The following ZNF516 variants were observed in gnomAD, a reference collection of about 807,000 sequenced individuals.
The protein encoded by ZNF516 is zinc finger protein 516.
Under a neutral mutation model 79.7 loss-of-function variants are expected in ZNF516, and 19 were observed. That is an observed-to-expected ratio of 0.24 (90% CI 0.17 to 0.35). The LOEUF is 0.35. Ranked by LOEUF, ZNF516 falls within the 10% of genes least tolerant of loss-of-function variation. The pLI, the probability that ZNF516 is intolerant of heterozygous loss-of-function variation, is 1.00. For synonymous variants in ZNF516, 877 were observed against 739.5 expected (o/e 1.19, Z -3.02); for missense variants, 1,678 against 1,679.5 (o/e 1.00, Z 0.02).
At chr18:76,378,131 G>A (rs1317933025) in intron 4 of ZNF516, 2 of 152,228 alleles carry the variant, frequency 1.3e-5, no homozygotes, top group East Asian at 3.9e-4. Flanking sequence ...CGTTAAGTGA[G>A]AGTGACCTTC....
At position 76,442,389 on chromosome 18, in the gene ZNF516, G is replaced by A; in HGVS notation, c.666C>T (p.Asp222=). ...EESLLSHIER[D]HITAQGPGSG... is the part of the protein sequence containing the mutation. ...TGCCGGGCCCCTGCGCGGTGATGTG[G>A]TCCCTCTCGATGTGGCTCAGCAGCG... is the stretch of plus-strand genomic sequence containing the variant. Residue 222 remains aspartate, a synonymous_variant, in exon 3 of 7, where the codon GAC becomes GAT. Transcript: ENST00000443185. 1 of 1,608,638 alleles carries A rather than the reference G, an allele frequency of 6.2e-7. No individual in the cohort carries two copies. Among genetic ancestry groups the A allele is most frequent in the South Asian group, 1.1e-5 (1 of 91,060 alleles).
chr18:76,475,000 TGA>T lies in ZNF516; in HGVS notation c.-271-11861_-271-11860del, dbSNP rs1360691600. Among the ~76,000 whole-genome samples, 9 of 152,322 alleles carry T rather than the reference TGA, an allele frequency of 5.9e-5. No homozygotes were observed. The East Asian group carries it at 1.3e-3, about 23-fold the overall frequency. ...GCTCTCTCCTCCACCTACCCAAATG[TGA>T]GAGATGAGTCAAGTCCACACCTGAA... is the stretch of plus-strand genomic sequence containing the variant. On this transcript the variant is annotated intron_variant, in intron 1 of 6. Coordinates refer to ENST00000443185, the MANE Select transcript of ZNF516 (RefSeq NM_014643.4).
In ZNF516 at chr18:76,360,646, A is replaced by AAAAAAAAAATATAT. The variant is rs373540251; in HGVS notation, c.*1851_*1852insATATATTTTTTTTT. The AAAAAAAAAATATAT allele has an allele frequency of 2.8e-5, 2 of 72,462 alleles. No individual in the cohort carries two copies. Among genetic ancestry groups the AAAAAAAAAATATAT allele is most frequent in the Non-Finnish European group, 5.4e-5 (2 of 36,928 alleles). The allele number at this position is 72,462 out of a possible 1,614,324, so 4.5% of individuals were successfully genotyped here. A position where few individuals can be genotyped will look rare whatever the true frequency, so the allele number is the denominator to read the frequency against. ...AAAAAAATAAGTAAAAAAAAAAAAAAATATATATATATATATATATATATA... is the reference window on the plus strand; with the variant it reads ...AAAAAAATAAGTAAAAAAAAAAAAAAAAAAAAAAATATATATATATATATATATATATATATATA... On this transcript the variant is annotated 3_prime_UTR_variant, in exon 7 of 7. Transcript: ENST00000443185.
intron 3 of ZNF516, among the ~76,000 whole-genome samples, chr18:76,438,144 C>T (rs945212287): frequency 2.0e-5 from 3 of 152,224 alleles, no homozygotes; most frequent in African/African-American, 7.2e-5. Context: ...ACCAGGCATC[C>T]CAGTCCAGGC....
intron 3 of ZNF516, among the ~76,000 whole-genome samples, chr18:76,384,163 G>T (rs2074939962): frequency 6.6e-6 from 1 of 152,074 alleles, no homozygotes; most frequent in South Asian, 2.1e-4. Context: ...CACGCGAGGT[G>T]AACCTCCCAG....
intron 3 of ZNF516, among the ~76,000 whole-genome samples, chr18:76,436,492 T>G (rs2075737252): frequency 1.3e-5 from 2 of 152,166 alleles, no homozygotes; most frequent in Non-Finnish European, 2.9e-5. Context: ...ATGACTTGGC[T>G]TCAGAGAGAG....
At chr18:76,496,391 G>A (rs1441755858), upstream of ZNF516, 10 of 1,289,596 alleles carry the variant, frequency 7.8e-6, no homozygotes, top group Non-Finnish European at 1.0e-5. Context: ...AATCCTGGCG[G>A]TTACCTCAGC....
Position 76,442,091 on chromosome 18 carries a change from C to T in ZNF516, c.964G>A (p.Val322Ile). ...LDPIATINNVVQEEVIVAGLS... is the reference protein window; with the variant it reads ...LDPIATINNVIQEEVIVAGLS... ...CCGGCGACGATCACCTCCTCCTGGA[C>T]CACGTTGTTGATGGTGGCGATGGGG... The change falls in exon 3 of 7, where the codon GTC becomes ATC. Residue 322 changes from valine to isoleucine, a missense_variant. By Grantham distance (29) the Val-to-Ile change is conservative. Coordinates refer to ENST00000443185, the MANE Select transcript of ZNF516 (RefSeq NM_014643.4). The T allele has an allele frequency of 6.2e-6, 10 of 1,614,040 alleles. No homozygotes were observed. The highest frequency in any genetic ancestry group is 8.5e-6 in the Non-Finnish European group (10 of 1,179,902).
chr18:76,383,749 G>C (rs1157438607), intron 3 of ZNF516, among the ~76,000 whole-genome samples: 5 of 152,188 alleles, frequency 3.3e-5, no homozygotes, highest in African/African-American at 2.4e-5. Flanking sequence ...GTGAGCTCCC[G>C]ATCAGGCCTC....
At chr18:76,412,106 A>G (rs981084138) in intron 3 of ZNF516, among the ~76,000 whole-genome samples, 1 of 152,186 alleles carries the variant, frequency 6.6e-6, no homozygotes, top group Admixed American at 6.5e-5. Flanking sequence ...CACCATGTAG[A>G]TGGTAAATAG....
intron 1 of ZNF516, among the ~76,000 whole-genome samples, chr18:76,466,207 G>T (rs1913455140): frequency 6.6e-6 from 1 of 152,038 alleles, no homozygotes; most frequent in African/African-American, 2.4e-5. Flanking sequence ...TAATTACTGG[G>T]TTTACTCCTA....
chr18:76,455,156 C>T (rs753783864), intron 2 of ZNF516, among the ~76,000 whole-genome samples: 1 of 152,090 alleles, frequency 6.6e-6, no homozygotes, highest in Non-Finnish European at 1.5e-5. Context: ...AGTTGCTTTG[C>T]GAACATTTTC....
chr18:76,417,181 G>A (rs2075443490), intron 3 of ZNF516, among the ~76,000 whole-genome samples: 1 of 152,192 alleles, frequency 6.6e-6, no homozygotes, highest in African/African-American at 2.4e-5. Context: ...AGCGGCTACT[G>A]AACGGCTCAT....
intron 1 of ZNF516, among the ~76,000 whole-genome samples, chr18:76,473,351 T>A (rs1272165170): frequency 1.0e-5 from 1 of 98,326 alleles, no homozygotes; most frequent in Non-Finnish European, 1.9e-5. Context: ...CTATTTGCTC[T>A]CTGCAAAAAA....
chr18:76,366,424 C>T (rs1438932608), intron 6 of ZNF516, among the ~76,000 whole-genome samples: 1 of 152,218 alleles, frequency 6.6e-6, no homozygotes, highest in African/African-American at 2.4e-5. Flanking sequence ...CTTGACAACA[C>T]TTTTCTCAAA....
chr18:76,463,300 GA>G (rs1024200137), intron 1 of ZNF516, among the ~76,000 whole-genome samples, 159 bp from the exon 2 acceptor site: 12 of 152,240 alleles, frequency 7.9e-5, no homozygotes, highest in Admixed American at 7.9e-4. Flanking sequence ...GGGCTGCTGG[GA>G]AAATCCCACA....
intron 1 of ZNF516, chr18:76,490,739 ATG>A (rs1915128727): frequency 1.0e-6 from 1 of 983,610 alleles, no homozygotes; most frequent in Non-Finnish European, 1.2e-6. Context: ...TTTCTGCTGT[ATG>A]TGTAAGTAGG....
At chr18:76,490,834 T>C (rs1051232728) in intron 1 of ZNF516, 2 of 985,360 alleles carry the variant, frequency 2.0e-6, no homozygotes, top group African/African-American at 3.5e-5. Context: ...CCGTCCTTTG[T>C]TACGCAGGGG....
At position 76,442,798 on chromosome 18, in the gene ZNF516, G is replaced by A. The variant is rs763481997; in HGVS notation, c.257C>T (p.Thr86Met). 55 of 1,609,132 alleles carry A rather than the reference G, an allele frequency of 3.4e-5. No individual in the cohort carries two copies. In the East Asian group the frequency reaches 1.2e-3, roughly 35 times the overall value. Residue 86 changes from threonine (T) to methionine (M), a missense_variant, in exon 3 of 7, where the codon ACG becomes ATG. Transcript: ENST00000443185. ...NLKIHIRSHRTGTLIQGHEPE... is the reference protein window; with the variant it reads ...NLKIHIRSHRMGTLIQGHEPE... ...CTCGTGTCCCTGAATCAGAGTCCCC[G>A]TGCGGTGGCTCCGGATGTGAATCTT...
Sources: gnomAD v4.1 joint callset for allele counts (sites outside exome capture counted in the v4.1 genomes callset) on GRCh38, gnomAD v4.1.1 for gene constraint, MANE v1.5 for transcripts, NCBI Gene and HGNC (gene_info 2026-07-23, HGNC 2026-07-21) for gene names.